The following COBL variants were observed in gnomAD, a reference collection of about 807,000 sequenced individuals.
The protein encoded by COBL is protein cordon-bleu.
In COBL, 51 loss-of-function variants were observed where a neutral mutation model predicts 98.8. The observed-to-expected ratio is 0.52, with a 90% CI of 0.41 to 0.65. The LOEUF is 0.65. COBL is among the 30% of genes least tolerant of loss of function. COBL has a pLI of 0.00. For missense variants in COBL, 1,617 were observed against 1,617.5 expected (o/e 1.00, Z 0.01); for synonymous variants, 634 against 651.7 (o/e 0.97, Z 0.41).
intron 1 of COBL, among the ~76,000 whole-genome samples, chr7:51,238,271 C>T (rs1361502109): frequency 6.6e-6 from 1 of 152,216 alleles, no homozygotes; most frequent in Non-Finnish European, 1.5e-5. Flanking sequence ...CCTTAGAGAA[C>T]AACAGAAGTG....
At chr7:51,073,796 A>C (rs1792795042) in intron 7 of COBL, among the ~76,000 whole-genome samples, 1 of 152,216 alleles carries the variant, frequency 6.6e-6, no homozygotes, top group Non-Finnish European at 1.5e-5. Flanking sequence ...AGAGGAAAAC[A>C]GACCATATGG....
intron 1 of COBL, among the ~76,000 whole-genome samples, chr7:51,300,956 C>G (rs375865344): frequency 6.6e-6 from 1 of 152,128 alleles, no homozygotes; most frequent in Admixed American, 6.5e-5. Context: ...GCTGTGTGAC[C>G]GCGGGGTCCA....
chr7:51,135,908 T>C (rs201587621), intron 6 of COBL, among the ~76,000 whole-genome samples: 4 of 152,206 alleles, frequency 2.6e-5, no homozygotes. Context: ...TATTAGGGTA[T>C]GTGGGGAGCA....
At chr7:51,296,467 A>G (rs1358919599) in intron 1 of COBL, among the ~76,000 whole-genome samples, 1 of 151,880 alleles carries the variant, frequency 6.6e-6, no homozygotes, top group Non-Finnish European at 1.5e-5. Context: ...TTCTTCTTCT[A>G]TTCTTTTGTT....
At chr7:51,055,301 G>A (rs1371246972) in intron 7 of COBL, among the ~76,000 whole-genome samples, 3 of 152,142 alleles carry the variant, frequency 2.0e-5, no homozygotes, top group Non-Finnish European at 2.9e-5. Context: ...CCAGCTTGGC[G>A]CTCAGCCCCT....
chr7:51,115,475 T>C (rs1347767854), intron 6 of COBL, among the ~76,000 whole-genome samples: 1 of 152,150 alleles, frequency 6.6e-6, no homozygotes, highest in African/African-American at 2.4e-5. Context: ...GTATATTTTT[T>C]CCTTCAGTTC....
At chr7:51,298,748 A>C (rs1801643790) in intron 1 of COBL, among the ~76,000 whole-genome samples, 1 of 152,260 alleles carries the variant, frequency 6.6e-6, no homozygotes, top group South Asian at 2.1e-4. Context: ...CACATGCTGC[A>C]TGAGTCTCAT....
chr7:51,054,952 A>T (rs1311624841), intron 7 of COBL, among the ~76,000 whole-genome samples: 1 of 152,142 alleles, frequency 6.6e-6, no homozygotes, highest in South Asian at 2.1e-4. Flanking sequence ...GCTATCCAGG[A>T]TCCAAACCTT....
chr7:51,119,196 A>G (rs543534731), intron 6 of COBL, among the ~76,000 whole-genome samples: 1 of 152,288 alleles, frequency 6.6e-6, no homozygotes, highest in African/African-American at 2.4e-5. Context: ...TTCCCTGGTG[A>G]TATTATTACC....
chr7:51,134,566 T>C (rs1022650500), intron 6 of COBL, among the ~76,000 whole-genome samples: 1 of 152,202 alleles, frequency 6.6e-6, no homozygotes, highest in Non-Finnish European at 1.5e-5. Flanking sequence ...CTACATTTTA[T>C]CGCATTAACA....
intron 6 of COBL, among the ~76,000 whole-genome samples, chr7:51,097,452 C>T (rs552198689): frequency 6.6e-6 from 1 of 152,010 alleles, no homozygotes. Context: ...CTAGCCATAA[C>T]AATTAGGCAA....
chr7:51,023,448 C>T (rs1787143233), intron 12 of COBL, among the ~76,000 whole-genome samples: 1 of 152,192 alleles, frequency 6.6e-6, no homozygotes, highest in African/African-American at 2.4e-5. Flanking sequence ...TGGCTGATGT[C>T]TCAGGGCCAC....
chr7:51,089,906 C>G (rs1562897126), intron 6 of COBL, among the ~76,000 whole-genome samples: 1 of 151,956 alleles, frequency 6.6e-6, no homozygotes, highest in African/African-American at 2.4e-5. Flanking sequence ...TAATGGCTGC[C>G]TAGTACTCCA....
chr7:51,255,289 A>G (rs1274351749), intron 1 of COBL, among the ~76,000 whole-genome samples: 1 of 152,246 alleles, frequency 6.6e-6, no homozygotes, highest in Non-Finnish European at 1.5e-5. Flanking sequence ...CATCAGTGTT[A>G]CTGTCAGAGA....
chr7:51,158,611 C>T (rs1786444677), intron 5 of COBL, among the ~76,000 whole-genome samples: 1 of 152,108 alleles, frequency 6.6e-6, no homozygotes, highest in Non-Finnish European at 1.5e-5. Flanking sequence ...TCCCTAGGGG[C>T]CCAGACCCTG....
At chr7:51,223,897 T>C (rs1301738589) in intron 1 of COBL, among the ~76,000 whole-genome samples, 3 of 152,250 alleles carry the variant, frequency 2.0e-5, no homozygotes, top group African/African-American at 7.2e-5. Context: ...ATTCTCAATA[T>C]GTAGCATAAT....
At chr7:51,274,084 G>A (rs1799054153) in intron 1 of COBL, among the ~76,000 whole-genome samples, 1 of 152,056 alleles carries the variant, frequency 6.6e-6, no homozygotes, top group Non-Finnish European at 1.5e-5. Context: ...GTTCCCCCCA[G>A]TCCATGCCTT....
At position 51,262,071 on chromosome 7, in the gene COBL, G is replaced by A. The variant is rs551469651; in HGVS notation, c.42-42127C>T. ...GATGGAGCTGGAGAGGGGTGGGCCCGTGCTGATGGTGCAGGAAGAATGTGG... is the reference window on the plus strand; with the variant it reads ...GATGGAGCTGGAGAGGGGTGGGCCCATGCTGATGGTGCAGGAAGAATGTGG... On this transcript the variant is annotated intron_variant, in intron 1 of 12. Coordinates refer to ENST00000265136, the MANE Select transcript of COBL (RefSeq NM_015198.5). 1.2e-4 allele frequency among the ~76,000 whole-genome samples: 18 copies of A among 152,346 alleles called. No homozygotes were observed. The South Asian group carries it at 2.5e-3, about 21-fold the overall frequency.
chr7:51,212,050 G>A (rs946657704), intron 2 of COBL, among the ~76,000 whole-genome samples: 2 of 152,036 alleles, frequency 1.3e-5, no homozygotes, highest in African/African-American at 2.4e-5. Flanking sequence ...CTTCCTCCGC[G>A]ACATCATTTT....
Sources: allele counts gnomAD v4.1 joint callset (sites outside exome capture counted in the v4.1 genomes callset), GRCh38; gene constraint gnomAD v4.1.1; transcripts MANE v1.5; gene names NCBI Gene and HGNC (gene_info 2026-07-23, HGNC 2026-07-21).